Variants in CCSER1 observed in about 807,000 individuals in gnomAD.
The protein encoded by CCSER1 is coiled-coil serine rich protein 1, also known as serine-rich coiled-coil domain-containing protein 1.
Under a neutral mutation model 82.0 loss-of-function variants are expected in CCSER1, and 41 were observed. That is an observed-to-expected ratio of 0.50 (90% CI 0.39 to 0.65). The LOEUF (loss-of-function observed/expected upper bound fraction) is 0.65, where lower values mean the gene tolerates loss of function less well. CCSER1 is among the 30% of genes least tolerant of loss of function. The pLI is 0.00. For synonymous variants in CCSER1, 414 were observed against 383.9 expected (o/e 1.08, Z -0.92); for missense variants, 1,119 against 1,064.2 (o/e 1.05, Z -0.72).
At chr4:90,618,002 T>C (rs1429485222) in intron 5 of CCSER1, among the ~76,000 whole-genome samples, 1 of 152,092 alleles carries the variant, frequency 6.6e-6, no homozygotes, top group African/African-American at 2.4e-5. Flanking sequence ...TTGGAATCCT[T>C]GACTTGGTGT....
intron 5 of CCSER1, among the ~76,000 whole-genome samples, chr4:90,519,576 C>T (rs1772800090): frequency 6.6e-6 from 1 of 151,844 alleles, no homozygotes; most frequent in African/African-American, 2.4e-5. Flanking sequence ...ATAGTATGAA[C>T]TGCTTATTAC....
chr4:90,397,838 A>T (rs13435417), intron 3 of CCSER1, among the ~76,000 whole-genome samples: 29 of 152,308 alleles, frequency 1.9e-4, no homozygotes, highest in East Asian at 1.5e-3. Context: ...GAAGTTTACA[A>T]TGTCTAAGAT....
chr4:90,958,441 T>A (rs1193154034), intron 9 of CCSER1, among the ~76,000 whole-genome samples: 2 of 152,198 alleles, frequency 1.3e-5, no homozygotes, highest in East Asian at 3.9e-4. Flanking sequence ...GGGTAAGGTT[T>A]CCTCTCTAGG....
At chr4:90,906,527 T>C (rs537351346) in intron 8 of CCSER1, among the ~76,000 whole-genome samples, 1 of 152,242 alleles carries the variant, frequency 6.6e-6, no homozygotes, top group South Asian at 2.1e-4. Context: ...CGGTTTACTA[T>C]AAGAATTTTT....
intron 1 of CCSER1, among the ~76,000 whole-genome samples, chr4:90,228,173 C>A (rs1328856858): frequency 9.9e-6 from 1 of 100,894 alleles, no homozygotes; most frequent in South Asian, 3.6e-4. Flanking sequence ...GGGGGCAGGG[C>A]ACACACAAAC....
At chr4:91,189,025 C>T (rs1170715475) in intron 10 of CCSER1, among the ~76,000 whole-genome samples, 1 of 152,032 alleles carries the variant, frequency 6.6e-6, no homozygotes, top group Non-Finnish European at 1.5e-5. Flanking sequence ...GTTAAAATTT[C>T]AATTTTCTAG....
At chr4:90,756,988 C>T (rs1749635610) in intron 7 of CCSER1, among the ~76,000 whole-genome samples, 1 of 152,016 alleles carries the variant, frequency 6.6e-6, no homozygotes, top group Non-Finnish European at 1.5e-5. Flanking sequence ...TTAGATTTAA[C>T]CTAGATTAGA....
At chr4:91,374,268 C>T (rs1324509328) in intron 10 of CCSER1, among the ~76,000 whole-genome samples, 1 of 152,124 alleles carries the variant, frequency 6.6e-6, no homozygotes, top group Non-Finnish European at 1.5e-5. Context: ...CTAGGACTTT[C>T]ATAGCTAGAG....
chr4:90,571,696 A>T (rs966050836), intron 5 of CCSER1, among the ~76,000 whole-genome samples: 3 of 152,162 alleles, frequency 2.0e-5, no homozygotes, highest in African/African-American at 7.2e-5. Flanking sequence ...TCTTGGTTTC[A>T]TGTAATATAC....
At chr4:91,437,670 G>T (rs1367055097) in intron 10 of CCSER1, among the ~76,000 whole-genome samples, 2 of 152,210 alleles carry the variant, frequency 1.3e-5, no homozygotes, top group African/African-American at 4.8e-5. Context: ...GCCGAAGCAG[G>T]GCGAGGCATT....
chr4:90,500,497 A>G (rs1405066272), intron 5 of CCSER1, among the ~76,000 whole-genome samples: 8 of 151,990 alleles, frequency 5.3e-5, no homozygotes, highest in African/African-American at 9.7e-5. Context: ...ACGCCCAGCT[A>G]ATTTTTCTAT....
chr4:90,151,466 T>G (rs1726828602), intron 1 of CCSER1, among the ~76,000 whole-genome samples: 1 of 152,084 alleles, frequency 6.6e-6, no homozygotes, highest in African/African-American at 2.4e-5. Context: ...AATTTAACTT[T>G]TAGATCAATC....
intron 5 of CCSER1, among the ~76,000 whole-genome samples, chr4:90,510,904 G>A (rs929665538): frequency 2.0e-5 from 3 of 152,176 alleles, no homozygotes; most frequent in Non-Finnish European, 4.4e-5. Context: ...ACATGGACAA[G>A]GAAGTTGATG....
intron 5 of CCSER1, among the ~76,000 whole-genome samples, chr4:90,554,285 G>C (rs1340430495): frequency 1.3e-5 from 2 of 152,176 alleles, no homozygotes; most frequent in African/African-American, 4.8e-5. Flanking sequence ...GATGGCTTGA[G>C]CCTAGGAGGT....
intron 10 of CCSER1, among the ~76,000 whole-genome samples, chr4:91,475,344 T>C (rs540069009): frequency 6.6e-6 from 1 of 151,970 alleles, no homozygotes; most frequent in African/African-American, 2.4e-5. Context: ...CACTTGAAAA[T>C]TTTAATGTGA....
At chr4:91,389,315 C>T (rs189027743) in intron 10 of CCSER1, among the ~76,000 whole-genome samples, 141 of 151,990 alleles carry the variant, frequency 9.3e-4, no homozygotes, top group South Asian at 1.0e-3. Flanking sequence ...TTTTCCAGCA[C>T]CATTTGTTGA....
intron 1 of CCSER1, among the ~76,000 whole-genome samples, chr4:90,160,127 A>G (rs1187452241): frequency 2.0e-5 from 3 of 152,214 alleles, no homozygotes; most frequent in Non-Finnish European, 4.4e-5. Context: ...TTAACTCCAT[A>G]GTAGTTGTTG....
At chr4:90,276,804 A>G (rs1727907988) in intron 1 of CCSER1, among the ~76,000 whole-genome samples, 1 of 151,642 alleles carries the variant, frequency 6.6e-6, no homozygotes, top group Admixed American at 6.6e-5. Flanking sequence ...GAGATATTTC[A>G]CCTCCTTGGT....
At chr4:91,265,395 CATAT>C (rs1741498753) in intron 10 of CCSER1, among the ~76,000 whole-genome samples, 1 of 151,988 alleles carries the variant, frequency 6.6e-6, no homozygotes, top group Non-Finnish European at 1.5e-5. Flanking sequence ...TGAAGATTAT[CATAT>C]AAATATAAGA....
Sources: gnomAD v4.1 joint callset for allele counts (sites outside exome capture counted in the v4.1 genomes callset) on GRCh38, gnomAD v4.1.1 for gene constraint, MANE v1.5 for transcripts, NCBI Gene and HGNC (gene_info 2026-07-23, HGNC 2026-07-21) for gene names.